PCDHGA12: variants seen among roughly 807,000 people sequenced by gnomAD.
PCDHGA12 encodes protocadherin gamma-A12.
PCDHGA12 carries 43 observed loss-of-function variants against 61.1 expected under a neutral mutation model. The ratio of observed to expected loss-of-function variants is 0.70; its 90% CI spans 0.55 to 0.91. The LOEUF (loss-of-function observed/expected upper bound fraction) is 0.91. Among genes scored for constraint, PCDHGA12 ranks in the 40% least tolerant of loss-of-function variants. PCDHGA12 has a pLI of 0.00. For missense variants in PCDHGA12, 1,236 were observed against 1,227.7 expected, an observed-to-expected ratio of 1.01 and a Z score of -0.10; for synonymous variants, 520 against 542.9, an observed-to-expected ratio of 0.96 and a Z score of 0.59.
At chr5:141,488,157 C>T (rs565677003) in intron 1 of PCDHGA12, among the ~76,000 whole-genome samples, 2 of 152,216 alleles carry the variant, frequency 1.3e-5, no homozygotes, top group South Asian at 2.1e-4. Context: ...TAGAGAGGCA[C>T]GCATCAGAGT....
At chr5:141,444,561 G>A (rs1554133061) in intron 1 of PCDHGA12, among the ~76,000 whole-genome samples, 2 of 152,098 alleles carry the variant, frequency 1.3e-5, no homozygotes, top group Non-Finnish European at 2.9e-5. Context: ...GCACTTATTT[G>A]ACACTTTTGA....
chr5:141,455,822 CCCCTTTTCCTGT>C (rs2098832641), intron 1 of PCDHGA12, among the ~76,000 whole-genome samples: 2 of 151,688 alleles, frequency 1.3e-5, no homozygotes, highest in African/African-American at 4.8e-5. Flanking sequence ...TTCCCAAGGA[CCCCTTTTCCTGT>C]CTATCTGCAT....
chr5:141,491,826 C>G lies in PCDHGA12; in HGVS notation c.2425-2981C>G. ...GGCTTGGTCGCTGGCTGCGCTCCAC[C>G]CGATTCTCGGGATCATTGGACCGTT... On this transcript the variant is annotated intron_variant, in intron 1 of 3. Coordinates refer to ENST00000252085, the MANE Select transcript of PCDHGA12 (RefSeq NM_003735.3). The surrounding 1 kb of genome is among the most constrained non-coding windows in gnomAD (Gnocchi z 6.9). 1 of 1,477,526 alleles carries G rather than the reference C, an allele frequency of 6.8e-7. No individual in the cohort carries two copies. The highest frequency in any genetic ancestry group is 9.0e-7 in the Non-Finnish European group (1 of 1,114,486). 91.5% of individuals were successfully genotyped at this position (1,477,526 alleles called of 1,614,324 possible). A position where few individuals can be genotyped will look rare whatever the true frequency, so the allele number is the denominator to read the frequency against.
Position 141,486,494 on chromosome 5 carries a change from A to G in PCDHGA12, c.2425-8313A>G, listed in dbSNP as rs375607204. 9.3e-6 allele frequency: 15 copies of G among 1,614,058 alleles called. No individual in the cohort carries two copies. The highest frequency in any genetic ancestry group is 1.3e-5 in the Non-Finnish European group (15 of 1,179,958). ...CCCTCCTCTCAGTACCCACAGAACT[A>G]TTTTCCTCAATATTTCAGATGTGAA... On this transcript the variant is annotated intron_variant, in intron 1 of 3. Transcript: ENST00000252085. The surrounding 1 kb of genome is among the most constrained non-coding windows in gnomAD (Gnocchi z 5.0).
At chr5:141,495,719 C>T (rs929450759) in intron 2 of PCDHGA12, among the ~76,000 whole-genome samples, 12 of 152,150 alleles carry the variant, frequency 7.9e-5, no homozygotes, top group African/African-American at 2.4e-5. Context: ...AGTAACTACA[C>T]GGGACCCTTA....
chr5:141,457,635 T>G (rs1242403589), intron 1 of PCDHGA12, among the ~76,000 whole-genome samples: 2 of 152,270 alleles, frequency 1.3e-5, no homozygotes, highest in African/African-American at 4.8e-5. Flanking sequence ...ATACTTGGCC[T>G]GATTATTTGC....
intron 1 of PCDHGA12, among the ~76,000 whole-genome samples, chr5:141,459,101 C>A (rs1021289352): frequency 6.6e-6 from 1 of 152,192 alleles, no homozygotes; most frequent in Non-Finnish European, 1.5e-5. Context: ...CAGTGCAATG[C>A]ATTTTGACAA....
intron 1 of PCDHGA12, chr5:141,441,834 C>T (rs370689467): frequency 2.6e-5 from 9 of 352,638 alleles, no homozygotes; most frequent in Non-Finnish European, 3.9e-5. Flanking sequence ...GCAATGGCTT[C>T]GCGCTCTTGG....
intron 2 of PCDHGA12, among the ~76,000 whole-genome samples, chr5:141,500,381 T>G (rs1013284512): frequency 7.2e-5 from 11 of 151,786 alleles, no homozygotes; most frequent in African/African-American, 2.7e-4. Flanking sequence ...GCTAATTATT[T>G]TGTATTTTTA....
rs201968743 is a variant in PCDHGA12, at chr5:141,490,095, A to G, written c.2425-4712A>G. On this transcript the variant is annotated intron_variant, in intron 1 of 3. Coordinates refer to ENST00000252085, the MANE Select transcript of PCDHGA12 (RefSeq NM_003735.3). The surrounding 1 kb of genome is among the most constrained non-coding windows in gnomAD (Gnocchi z 5.4). ...TAGACTATTCTTTTGGAGACCACAC[A>G]TCTGAGGCAGTGCGGAACCTCTTTG... 2.4e-4 allele frequency: 394 copies of G among 1,614,156 alleles called. No individual in the cohort carries two copies. The highest frequency in any genetic ancestry group is 3.1e-4 in the Non-Finnish European group (363 of 1,180,054).
chr5:141,465,030 C>T (rs922114985), intron 1 of PCDHGA12, among the ~76,000 whole-genome samples: 2 of 152,086 alleles, frequency 1.3e-5, no homozygotes, highest in Non-Finnish European at 1.5e-5. Context: ...CCATGAACCA[C>T]CACAAATGAC....
At chr5:141,481,811 G>A (rs1050821120) in intron 1 of PCDHGA12, among the ~76,000 whole-genome samples, 1 of 151,892 alleles carries the variant, frequency 6.6e-6, no homozygotes. Context: ...AATTCACCAG[G>A]CGTGGTGGCT....
At position 141,485,321 on chromosome 5, in the gene PCDHGA12, C is replaced by G. The variant is rs780179631; in HGVS notation, c.2425-9486C>G. The G allele has an allele frequency of 6.2e-7, 1 of 1,614,154 alleles. No homozygotes were observed. Among genetic ancestry groups the G allele is most frequent in the Non-Finnish European group, 8.5e-7 (1 of 1,180,024 alleles). On this transcript the variant is annotated intron_variant, in intron 1 of 3. Transcript: ENST00000252085. This position sits in a 1 kb window ranked among gnomAD's most constrained non-coding sequence, Gnocchi z 5.7. The stretch of plus-strand genomic sequence containing the variant: ...AGGGACTTTTGTAGGGAATGTCGCT[C>G]AAGATTTCCTGCTGGATACGGACAG...
rs763239421 is a variant in PCDHGA12, at chr5:141,477,265, G to C, written c.2425-17542G>C. 1 of 1,614,198 alleles carries C rather than the reference G, an allele frequency of 6.2e-7. No homozygotes were observed. Among genetic ancestry groups the C allele is most frequent in the Admixed American group, 1.7e-5 (1 of 60,020 alleles). On this transcript the variant is annotated intron_variant, in intron 1 of 3. Coordinates refer to ENST00000252085, the MANE Select transcript of PCDHGA12 (RefSeq NM_003735.3). The surrounding 1 kb of genome is among the most constrained non-coding windows in gnomAD (Gnocchi z 4.9). ...GTGTGACTGACCTGGATGCTGGCGA[G>C]AACGGGCTGGTGACCTGCGAAGTTC...
rs183531575 is a variant in PCDHGA12 at position 141,469,308 on chromosome 5, G to A, written c.2425-25499G>A. Among the ~76,000 whole-genome samples the A allele has an allele frequency of 2.5e-3, 379 of 152,184 alleles. 1 individual carries two copies. The highest frequency in any genetic ancestry group is 5.8e-3 in the South Asian group (28 of 4,814). On this transcript the variant is annotated intron_variant, in intron 1 of 3. Transcript: ENST00000252085. ...TAAAACAAAATAGACTGGGCACGAT[G>A]GCTCACGCCTGTAATCCCACCACTT...
Position 141,491,401 on chromosome 5 carries a change from G to T in PCDHGA12, c.2425-3406G>T, listed in dbSNP as rs1442005704. ...GTCAGCGAAGTGCCTTCAGGGAAAC[G>T]CAGACGGGGACGGGGGTGGAGGGCA... On this transcript the variant is annotated intron_variant, in intron 1 of 3. Coordinates refer to ENST00000252085, the MANE Select transcript of PCDHGA12 (RefSeq NM_003735.3). The surrounding 1 kb of genome is among the most constrained non-coding windows in gnomAD (Gnocchi z 6.9). 1.2e-6 allele frequency: 2 copies of T among 1,614,102 alleles called. No homozygotes were observed. Among genetic ancestry groups the T allele is most frequent in the Non-Finnish European group, 1.7e-6 (2 of 1,179,990 alleles).
At chr5:141,440,399 A>T (rs1215824479) in intron 1 of PCDHGA12, 1 of 152,164 alleles carries the variant, frequency 6.6e-6, no homozygotes, top group Non-Finnish European at 1.5e-5. Context: ...CCGAGAGGCA[A>T]TCGCACCACT....
chr5:141,461,655 ATTTTAAAG>A (rs2099019832), intron 1 of PCDHGA12, among the ~76,000 whole-genome samples: 1 of 152,022 alleles, frequency 6.6e-6, no homozygotes, highest in African/African-American at 2.4e-5. Flanking sequence ...CCCATGGATT[ATTTTAAAG>A]TTTGTTATTT....
At chr5:141,438,591 C>CATATATATATATATATATAT (rs946798767) in intron 1 of PCDHGA12, among the ~76,000 whole-genome samples, 1 of 75,562 alleles carries the variant, frequency 1.3e-5, no homozygotes, top group Non-Finnish European at 2.7e-5. Context: ...TACATACATA[C>CATATATATATATATATATAT]ATATATATAT....
Sources: gnomAD v4.1 joint callset for allele counts (sites outside exome capture counted in the v4.1 genomes callset) on GRCh38, gnomAD v4.1.1 for gene constraint, Gnocchi (gnomAD v3.1) non-coding constraint, MANE v1.5 for transcripts, NCBI Gene and HGNC (gene_info 2026-07-23, HGNC 2026-07-21) for gene names.